The following CNTNAP1 variants were observed in gnomAD, a reference collection of about 807,000 sequenced individuals.
CNTNAP1 encodes contactin associated protein 1.
In CNTNAP1, 80 loss-of-function variants were observed where a neutral mutation model predicts 161.5. The observed-to-expected ratio is 0.50, with a 90% confidence interval of 0.41 to 0.60. The LOEUF (loss-of-function observed/expected upper bound fraction) is 0.60, where lower values mean the gene tolerates loss of function less well. CNTNAP1 is among the 20% of genes least tolerant of loss of function. The pLI is 0.00. For missense variants in CNTNAP1, 1,464 were observed against 1,854.8 expected (o/e 0.79, Z 3.87); for synonymous variants, 695 against 733.1 (o/e 0.95, Z 0.84).
intron 3 of CNTNAP1, 59 bp downstream of exon 3, chr17:42,684,288 C>A (rs761797849): frequency 2.2e-4 from 341 of 1,521,064 alleles, no homozygotes; most frequent in Non-Finnish European, 2.9e-4. Flanking sequence ...AGGCTCTGGG[C>A]CGGGCACCAG....
chr17:42,683,107 A>G, intron 1 of CNTNAP1: 1 of 614,418 alleles, frequency 1.6e-6, no homozygotes, highest in Admixed American at 3.1e-5. Context: ...GGCTCTGGGA[A>G]GAGGATGAAG....
Position 42,697,782 on chromosome 17 carries a change from C to T in CNTNAP1, c.3797C>T (p.Pro1266Leu). 1 of 1,614,104 alleles carries T rather than the reference C, an allele frequency of 6.2e-7. No homozygotes were observed. The highest frequency in any genetic ancestry group is 8.5e-7 in the Non-Finnish European group (1 of 1,180,022). Residue 1266 changes from proline to leucine, a missense_variant, in exon 22 of 24, where the codon CCC becomes CTC. By Grantham distance (98) the Pro-to-Leu change is moderately conservative. This residue lies in a region of CNTNAP1 where 1,383 missense variants were observed against 1,765.0 expected (regional missense o/e 0.78). Coordinates refer to ENST00000264638, the MANE Select transcript of CNTNAP1 (RefSeq NM_003632.3). ...LVSEVPPELD[P>L]WYLPPDFPYY... Reference sequence around the variant, plus strand: ...TCAGAGGTGCCACCTGAGCTTGATCCCTGGTATCTGCCCCCAGGTACATTC... The same window carrying T: ...TCAGAGGTGCCACCTGAGCTTGATCTCTGGTATCTGCCCCCAGGTACATTC...
intron 18 of CNTNAP1, among the ~76,000 whole-genome samples, chr17:42,694,092 C>T (rs1328712062): frequency 6.6e-6 from 1 of 151,956 alleles, no homozygotes; most frequent in Non-Finnish European, 1.5e-5. Context: ...AACTCTTGAC[C>T]TTGTGATCTG....
At position 42,689,565 on chromosome 17, in the gene CNTNAP1, C is replaced by G. The variant is rs751161142; in HGVS notation, c.1673C>G (p.Ser558Cys). 10 of 1,613,894 alleles carry G rather than the reference C, an allele frequency of 6.2e-6. No homozygotes were observed. Among genetic ancestry groups the G allele is most frequent in the Non-Finnish European group, 6.8e-6 (8 of 1,179,916 alleles). The change falls in exon 11 of 24, where the codon TCT (serine) becomes TGT (cysteine). Residue 558 changes from serine to cysteine, a missense_variant. This residue lies in a region of CNTNAP1 where 1,383 missense variants were observed against 1,765.0 expected (regional missense o/e 0.78). Coordinates refer to ENST00000264638, the MANE Select transcript of CNTNAP1 (RefSeq NM_003632.3). Reference protein sequence around the residue: ...MCEHDGRCYQSWDDFICYCEL... With the variant: ...MCEHDGRCYQCWDDFICYCEL... ...GAGCATGATGGACGCTGCTACCAGT[C>G]TTGGGATGACTTCATTTGCTACTGC...
In CNTNAP1 at chr17:42,698,691, G is replaced by T. The variant is rs1448171133; in HGVS notation, c.3936G>T (p.Lys1312Asn). Residue 1312 changes from lysine (K) to asparagine (N), a missense_variant, in exon 24 of 24, where the codon AAG (lysine) becomes AAT (asparagine). Lys to Asn is a moderately conservative substitution (Grantham distance 94). Transcript: ENST00000264638. ...TCTATCTGCAAAATCATCGCTATAAGGGCTCCTACCATACCAATGAGCCCA... is the reference window on the plus strand; with the variant it reads ...TCTATCTGCAAAATCATCGCTATAATGGCTCCTACCATACCAATGAGCCCA... ...VLFYLQNHRY[K>N]GSYHTNEPKA... 6.2e-7 allele frequency: 1 copy of T among 1,613,156 alleles called. No homozygotes were observed. Among genetic ancestry groups the T allele is most frequent in the Non-Finnish European group, 8.5e-7 (1 of 1,179,584 alleles).
In CNTNAP1 at chr17:42,690,921, TC is replaced by T. The variant is rs1156926876; in HGVS notation, c.2041del (p.Arg681GlyfsTer66). 1 of 1,613,992 alleles carries T rather than the reference TC, an allele frequency of 6.2e-7. No homozygotes were observed. The highest frequency in any genetic ancestry group is 8.5e-7 in the Non-Finnish European group (1 of 1,180,032). On this transcript the variant is annotated frameshift_variant, in exon 13 of 24. Coordinates refer to ENST00000264638, the MANE Select transcript of CNTNAP1 (RefSeq NM_003632.3). LOFTEE classifies it high-confidence loss of function. ...EQWIEFSCYN[S>X]RLLNTAGGYP... ...GTGGATCGAGTTCTCCTGCTACAAT[TC>T]CCGGCTGCTCAACACTGCAGGTTAG...
intron 18 of CNTNAP1, among the ~76,000 whole-genome samples, chr17:42,694,631 C>A (rs78568080): frequency 1.2e-3 from 166 of 137,446 alleles, no homozygotes; most frequent in East Asian, 1.3e-3. Context: ...ACTGTGTCTA[C>A]AAAAAAAAAA....
rs926116811 is a variant in CNTNAP1 at position 42,698,876 on chromosome 17, T to C, written c.4121T>C (p.Leu1374Pro). Reference sequence around the variant, plus strand: ...GCCCCTGGCCCCCGGGATCAGAACCTACCCCAGATCCTGGAGGAGTCCAGG... The same window carrying C: ...GCCCCTGGCCCCCGGGATCAGAACCCACCCCAGATCCTGGAGGAGTCCAGG... ...APAPGPRDQN[L>P]PQILEESRSE is the part of the protein sequence containing the mutation. The change falls in exon 24 of 24, where the codon CTA (leucine) becomes CCA (proline). Residue 1374 changes from leucine (L) to proline (P), a missense_variant. Physicochemically the swap from Leu to Pro is moderately conservative, Grantham distance 98. Coordinates refer to ENST00000264638, the MANE Select transcript of CNTNAP1 (RefSeq NM_003632.3). 1.3e-6 allele frequency: 2 copies of C among 1,481,670 alleles called. No homozygotes were observed. Among genetic ancestry groups the C allele is most frequent in the Non-Finnish European group, 1.8e-6 (2 of 1,113,912 alleles). 91.8% of individuals were successfully genotyped at this position (1,481,670 alleles called of 1,614,324 possible). A position where few individuals can be genotyped will look rare whatever the true frequency, so the allele number is the denominator to read the frequency against.
rs565827830 is a variant in CNTNAP1 at position 42,685,784 on chromosome 17, G to A, written c.716-173G>A. On this transcript the variant is annotated intron_variant, in intron 5 of 23. Transcript: ENST00000264638. The surrounding 1 kb of genome is among the most constrained non-coding windows in gnomAD (Gnocchi z 5.0). ...CATGTGTTCCCAGTTTTACAGACAG[G>A]AAGCCAGGCTAAATGGCTTACCCTG... is the stretch of plus-strand genomic sequence containing the variant. Among the ~76,000 whole-genome samples the A allele has an allele frequency of 5.8e-4, 89 of 152,168 alleles. 1 individual carries two copies. The highest frequency in any genetic ancestry group is 1.0e-3 in the Non-Finnish European group (71 of 68,030).
chr17:42,682,586 G>A lies in CNTNAP1; in HGVS notation c.-244G>A. On this transcript the variant is annotated 5_prime_UTR_variant, in exon 1 of 24. Coordinates refer to ENST00000264638, the MANE Select transcript of CNTNAP1 (RefSeq NM_003632.3). ...GGGGAAGGGGGGAGGTGAGAGGAAAGAGGGTGGAAAGGAGAGGATAGAGAG... is the reference window on the plus strand; with the variant it reads ...GGGGAAGGGGGGAGGTGAGAGGAAAAAGGGTGGAAAGGAGAGGATAGAGAG... The A allele has an allele frequency of 1.8e-6, 1 of 546,488 alleles. No individual in the cohort carries two copies. The highest frequency in any genetic ancestry group is 3.3e-5 in the East Asian group (1 of 30,120). The allele number at this position is 546,488 out of a possible 1,614,324, so 33.9% of individuals were successfully genotyped here. A position where few individuals can be genotyped will look rare whatever the true frequency, so the allele number is the denominator to read the frequency against.
chr17:42,683,116 A>T (rs1567968602), intron 1 of CNTNAP1: 2 of 609,894 alleles, frequency 3.3e-6, no homozygotes, highest in Non-Finnish European at 2.8e-6. Context: ...AAGAGGATGA[A>T]GTCAGCGGGC....
chr17:42,687,890 C>G lies in CNTNAP1; in HGVS notation c.1215C>G (p.Asp405Glu), dbSNP rs958251710. Reference sequence around the variant, plus strand: ...TTCTCCTTTTCTCCCGTCTGGGGGACGGGCTGGGCCACGTGGAGCTGACGC... The same window carrying G: ...TTCTCCTTTTCTCCCGTCTGGGGGAGGGGCTGGGCCACGTGGAGCTGACGC... ...TGLLLFSRLG[D>E]GLGHVELTLS... The change falls in exon 8 of 24, where the codon GAC becomes GAG. Residue 405 changes from aspartate to glutamate, a missense_variant. Asp to Glu is a conservative substitution (Grantham distance 45). Transcript: ENST00000264638. The surrounding 1 kb of genome is among the most constrained non-coding windows in gnomAD (Gnocchi z 4.7). 6.2e-7 allele frequency: 1 copy of G among 1,614,214 alleles called. No individual in the cohort carries two copies. Among genetic ancestry groups the G allele is most frequent in the Admixed American group, 1.7e-5 (1 of 60,022 alleles).
intron 17 of CNTNAP1, among the ~76,000 whole-genome samples, 166 bp downstream of exon 17, chr17:42,692,886 CT>C (rs1334436310): frequency 6.6e-6 from 1 of 152,170 alleles, no homozygotes; most frequent in East Asian, 1.9e-4. Context: ...CTATTCTATT[CT>C]TCCAGCCCTC....
At chr17:42,689,407 G>A in intron 10 of CNTNAP1, 114 bp from the exon 11 acceptor site, 3 of 791,014 alleles carry the variant, frequency 3.8e-6, no homozygotes, top group South Asian at 1.7e-5. Context: ...TAGGCGGGGT[G>A]TGTCTCACCG....
chr17:42,698,113 G>C (rs2053174508), intron 23 of CNTNAP1, among the ~76,000 whole-genome samples, 163 bp downstream of exon 23: 2 of 151,918 alleles, frequency 1.3e-5, no homozygotes, highest in African/African-American at 4.8e-5. Context: ...CCATATAACT[G>C]GGCAGAGATT....
chr17:42,693,768 C>T (rs1447572705), intron 18 of CNTNAP1, among the ~76,000 whole-genome samples: 1 of 152,110 alleles, frequency 6.6e-6, no homozygotes, highest in East Asian at 1.9e-4. Flanking sequence ...TCAAAATCAC[C>T]AAGTATGCTT....
intron 17 of CNTNAP1, 63 bp downstream of exon 17, chr17:42,692,783 C>G: frequency 6.9e-7 from 1 of 1,450,994 alleles, no homozygotes; most frequent in Non-Finnish European, 9.3e-7. Flanking sequence ...CAAGGCCACT[C>G]GCCTTGTTTC....
At chr17:42,697,391 T>C in intron 21 of CNTNAP1, 24 bp downstream of exon 21, 1 of 1,612,588 alleles carries the variant, frequency 6.2e-7, no homozygotes, top group Non-Finnish European at 8.5e-7. Flanking sequence ...GCGGACGCGT[T>C]TTAGGCAAGG....
intron 1 of CNTNAP1, chr17:42,683,255 G>A: frequency 5.7e-6 from 4 of 696,488 alleles, no homozygotes; most frequent in Non-Finnish European, 7.8e-6. Flanking sequence ...GGACTTTGGA[G>A]CTGGCCAAGG....
Sources: allele counts gnomAD v4.1 joint callset (sites outside exome capture counted in the v4.1 genomes callset), GRCh38; gene constraint gnomAD v4.1.1; regional missense constraint gnomAD v4.1.1; non-coding constraint Gnocchi (gnomAD v3.1); transcripts MANE v1.5; gene names NCBI Gene and HGNC (gene_info 2026-07-23, HGNC 2026-07-21).